Variants in ZSWIM5 observed in about 807,000 individuals in gnomAD.
ZSWIM5 encodes zinc finger SWIM domain-containing protein 5.
A neutral mutation model predicts 119.6 loss-of-function variants in ZSWIM5; 55 were observed. The ratio of observed to expected loss-of-function variants is 0.46; its 90% CI spans 0.37 to 0.58. The LOEUF (loss-of-function observed/expected upper bound fraction) is 0.58. Among genes scored for constraint, ZSWIM5 ranks in the 20% least tolerant of loss-of-function variants. The pLI is 0.00. For missense variants in ZSWIM5, 1,193 were observed against 1,512.8 expected (o/e 0.79, Z 3.51); for synonymous variants, 537 against 606.9 (o/e 0.88, Z 1.69).
rs548031493 is a variant in ZSWIM5, at chr1:45,115,154, T to C, written c.596-26917A>G. 2.4e-4 allele frequency among the ~76,000 whole-genome samples: 37 copies of C among 152,338 alleles called. 2 individuals are homozygous for C. The highest frequency in any genetic ancestry group is 6.5e-4 in the Admixed American group (10 of 15,304). On this transcript the variant is annotated intron_variant, in intron 1 of 13. Coordinates refer to ENST00000359600, the MANE Select transcript of ZSWIM5 (RefSeq NM_020883.2). ...ATCATGGCCGGTTCCCAGTGAGCTG[T>C]TGGGTACACCTCCCAGACGGGGTGG...
chr1:45,125,059 G>A (rs1645612261), intron 1 of ZSWIM5, among the ~76,000 whole-genome samples: 1 of 145,792 alleles, frequency 6.9e-6, no homozygotes, highest in South Asian at 2.1e-4. Flanking sequence ...ATATATAGAA[G>A]AACTCAACAA....
At chr1:45,103,927 A>G (rs1645454708) in intron 1 of ZSWIM5, among the ~76,000 whole-genome samples, 1 of 152,220 alleles carries the variant, frequency 6.6e-6, no homozygotes, top group Non-Finnish European at 1.5e-5. Context: ...GGCAGGTGTT[A>G]ATGCATGAAA....
chr1:45,044,723 CAAAAAAAAAAA>C (rs869224710), intron 5 of ZSWIM5, among the ~76,000 whole-genome samples: 313 of 4,388 alleles, frequency 0.071, 52 homozygotes, highest in South Asian at 0.095. Context: ...GACTCCGTCT[CAAAAAAAAAAA>C]AAAAAAAAAA....
intron 1 of ZSWIM5, among the ~76,000 whole-genome samples, chr1:45,200,487 T>C (rs899211026): frequency 7.9e-5 from 12 of 152,162 alleles, no homozygotes; most frequent in African/African-American, 2.9e-4. Context: ...CATAGTAATT[T>C]AGGGTTTGGA....
intron 4 of ZSWIM5, among the ~76,000 whole-genome samples, chr1:45,058,407 T>C (rs922408971): frequency 6.6e-5 from 10 of 152,170 alleles, no homozygotes; most frequent in African/African-American, 2.4e-4. Context: ...ACAGAATGCT[T>C]GATGTCAATA....
At position 45,086,262 on chromosome 1, in the gene ZSWIM5, T is replaced by C. The variant is rs151073915; in HGVS notation, c.952+1619A>G. On this transcript the variant is annotated intron_variant, in intron 2 of 13. Transcript: ENST00000359600. ...GGGGGAAATCTGCCCCCATGATCCA[T>C]TCACCTCCCACAAGGCCCCTCCTCC... Among the ~76,000 whole-genome samples, 276 of 152,234 alleles carry C rather than the reference T, an allele frequency of 1.8e-3. 7 individuals carry two copies. The East Asian group carries it at 0.043, about 24-fold the overall frequency.
intron 11 of ZSWIM5, among the ~76,000 whole-genome samples, chr1:45,025,855 C>T (rs933981754): frequency 1.3e-5 from 2 of 152,150 alleles, no homozygotes; most frequent in African/African-American, 4.8e-5. Flanking sequence ...TTTATTGGGA[C>T]ATAACCCTGT....
At chr1:45,189,023 T>C (rs1468009991) in intron 1 of ZSWIM5, among the ~76,000 whole-genome samples, 2 of 152,172 alleles carry the variant, frequency 1.3e-5, no homozygotes, top group East Asian at 3.9e-4. Flanking sequence ...ATTAGTAATA[T>C]TTGCAAGGGA....
intron 2 of ZSWIM5, among the ~76,000 whole-genome samples, chr1:45,074,563 T>C (rs1474822969): frequency 1.3e-5 from 2 of 151,960 alleles, no homozygotes; most frequent in African/African-American, 4.8e-5. Context: ...TGGTATCAGC[T>C]GTAATGTCTC....
At chr1:45,205,636 T>C in intron 1 of ZSWIM5, 120 bp downstream of exon 1, 1 of 1,096,946 alleles carries the variant, frequency 9.1e-7, no homozygotes, top group Non-Finnish European at 1.2e-6. Flanking sequence ...TTGTTCGTCC[T>C]TCGGCAGGGG....
chr1:45,178,579 T>A (rs965991708), intron 1 of ZSWIM5, among the ~76,000 whole-genome samples: 1 of 152,196 alleles, frequency 6.6e-6, no homozygotes, highest in Non-Finnish European at 1.5e-5. Flanking sequence ...TAAATTACTA[T>A]ATATTTGACC....
chr1:45,150,730 A>C (rs1302437736), intron 1 of ZSWIM5, among the ~76,000 whole-genome samples: 1 of 152,146 alleles, frequency 6.6e-6, no homozygotes, highest in Non-Finnish European at 1.5e-5. Context: ...TGTCTTGTCG[A>C]CCAGATAGTG....
intron 11 of ZSWIM5, among the ~76,000 whole-genome samples, chr1:45,030,091 G>T (rs1644943064): frequency 1.3e-5 from 2 of 150,834 alleles, no homozygotes; most frequent in Non-Finnish European, 3.0e-5. Flanking sequence ...ACTACAGGGG[G>T]GTGCCACCTT....
chr1:45,061,371 AC>A (rs1645150962), intron 2 of ZSWIM5, among the ~76,000 whole-genome samples: 2 of 132,314 alleles, frequency 1.5e-5, no homozygotes, highest in Non-Finnish European at 3.3e-5. Flanking sequence ...ATCTATGCAT[AC>A]TTTTTTTTTT....
At chr1:45,195,495 A>G (rs1349649823) in intron 1 of ZSWIM5, among the ~76,000 whole-genome samples, 5 of 151,956 alleles carry the variant, frequency 3.3e-5, no homozygotes, top group Non-Finnish European at 7.4e-5. Context: ...AGCATCCCAA[A>G]GTGCTGGGAT....
At chr1:45,193,896 A>G (rs915493919) in intron 1 of ZSWIM5, among the ~76,000 whole-genome samples, 15 of 152,032 alleles carry the variant, frequency 9.9e-5, no homozygotes, top group African/African-American at 2.4e-4. Context: ...CCAGAATTAC[A>G]TATTTGTGAT....
intron 4 of ZSWIM5, among the ~76,000 whole-genome samples, chr1:45,053,748 G>A (rs1645103850): frequency 8.0e-6 from 1 of 125,496 alleles, no homozygotes; most frequent in Non-Finnish European, 1.6e-5. Flanking sequence ...GGGCGACAGA[G>A]CGAGACTCTG....
intron 1 of ZSWIM5, among the ~76,000 whole-genome samples, chr1:45,126,349 T>C (rs1645621856): frequency 1.3e-5 from 2 of 152,016 alleles, no homozygotes; most frequent in East Asian, 1.9e-4. Flanking sequence ...ACAAGGAATA[T>C]TACTACCAGC....
At chr1:45,021,361 G>A (rs1475753799) in intron 11 of ZSWIM5, among the ~76,000 whole-genome samples, 2 of 152,164 alleles carry the variant, frequency 1.3e-5, no homozygotes, top group Admixed American at 1.3e-4. Flanking sequence ...TTATACAGTA[G>A]ACAGAAAGTC....
Sources: gnomAD v4.1 joint callset for allele counts (sites outside exome capture counted in the v4.1 genomes callset) on GRCh38, gnomAD v4.1.1 for gene constraint, MANE v1.5 for transcripts, NCBI Gene and HGNC (gene_info 2026-07-23, HGNC 2026-07-21) for gene names.